SPON1: variants seen among roughly 807,000 people sequenced by gnomAD.
The protein encoded by SPON1 is spondin 1, also known as spondin-1.
A neutral mutation model predicts 111.7 loss-of-function variants in SPON1; 52 were observed. The observed-to-expected ratio is 0.47, with a 90% CI of 0.37 to 0.59. The LOEUF (loss-of-function observed/expected upper bound fraction) is 0.59. SPON1 is among the 20% of genes least tolerant of loss of function. The probability of loss-of-function intolerance (pLI) is 0.00; values close to 1 mark genes in which losing one functional copy is unlikely to be tolerated. For synonymous variants in SPON1, 410 were observed against 395.8 expected, an observed-to-expected ratio of 1.04 and a Z score of -0.43; for missense variants, 957 against 1,068.5, an observed-to-expected ratio of 0.90 and a Z score of 1.46.
chr11:14,090,840 C>T (rs1316433340), intron 5 of SPON1, among the ~76,000 whole-genome samples: 1 of 36,454 alleles, frequency 2.7e-5, no homozygotes, highest in African/African-American at 1.0e-4. Flanking sequence ...CCCCCCCCCC[C>T]CCCCGCCCAC....
intron 3 of SPON1, among the ~76,000 whole-genome samples, chr11:14,062,729 T>C (rs1475109122): frequency 2.6e-5 from 4 of 152,220 alleles, no homozygotes; most frequent in Non-Finnish European, 5.9e-5. Context: ...GTTGACTTTC[T>C]TGAAATGCAT....
chr11:14,154,816 T>C (rs782791571), intron 6 of SPON1, among the ~76,000 whole-genome samples: 1 of 152,354 alleles, frequency 6.6e-6, no homozygotes, highest in South Asian at 2.1e-4. Context: ...TCTTTGTTTA[T>C]GCAGGTTAGT....
rs181239395 is a variant in SPON1 at position 14,091,554 on chromosome 11, C to T, written c.676+11533C>T. ...CTGCTGGGGGACCCAGTACACCCTC[C>T]GCAGCCACTGGCCCGGGTGCTAAGT... On this transcript the variant is annotated intron_variant, in intron 5 of 15. Transcript: ENST00000576479. Among the ~76,000 whole-genome samples, 755 of 152,314 alleles carry T rather than the reference C, an allele frequency of 5.0e-3. 4 individuals are homozygous for T. The highest frequency in any genetic ancestry group is 0.017 in the African/African-American group (716 of 41,570).
At chr11:14,120,409 C>T (rs909844471) in intron 5 of SPON1, among the ~76,000 whole-genome samples, 42 of 151,804 alleles carry the variant, frequency 2.8e-4, no homozygotes, top group Non-Finnish European at 2.8e-4. Context: ...GTTGCTTTAG[C>T]CCTCACTGCC....
intron 5 of SPON1, among the ~76,000 whole-genome samples, chr11:14,125,223 C>T (rs1554926895): frequency 6.6e-6 from 1 of 152,216 alleles, no homozygotes. Flanking sequence ...GGTTCTAGAA[C>T]TGCATCTAGC....
At position 14,057,123 on chromosome 11, in the gene SPON1, A is replaced by T. The variant is rs575647877; in HGVS notation, c.479+15469A>T. 3.9e-5 allele frequency among the ~76,000 whole-genome samples: 6 copies of T among 152,288 alleles called. No individual in the cohort carries two copies. In the South Asian group the frequency reaches 1.2e-3, roughly 32 times the overall value. On this transcript the variant is annotated intron_variant, in intron 3 of 15. Coordinates refer to ENST00000576479, the MANE Select transcript of SPON1 (RefSeq NM_006108.4). ...TGATAAGGAACAGGAGGTTTCTATA[A>T]TCTCAAAGTACTTGCCCTTGAAATA...
chr11:14,155,455 G>A (rs1178916151), intron 6 of SPON1, among the ~76,000 whole-genome samples: 1 of 151,928 alleles, frequency 6.6e-6, no homozygotes, highest in Admixed American at 6.6e-5. Flanking sequence ...TGGAGCAGGA[G>A]GAAGGCAGGG....
chr11:14,028,462 A>T (rs1257765840), intron 2 of SPON1, among the ~76,000 whole-genome samples: 1 of 152,034 alleles, frequency 6.6e-6, no homozygotes, highest in African/African-American at 2.4e-5. Flanking sequence ...ACAGAGTGAG[A>T]CCCTGTCTCA....
chr11:14,180,936 G>A (rs1403558253), intron 6 of SPON1, among the ~76,000 whole-genome samples: 14 of 152,156 alleles, frequency 9.2e-5, no homozygotes, highest in Admixed American at 8.5e-4. Context: ...TTAGATATGA[G>A]CCTAGCTTTC....
chr11:14,191,995 G>A (rs1338316676), intron 6 of SPON1, among the ~76,000 whole-genome samples: 2 of 152,074 alleles, frequency 1.3e-5, no homozygotes, highest in Non-Finnish European at 2.9e-5. Flanking sequence ...TATCAGTTTA[G>A]TAGTAAGAAT....
intron 2 of SPON1, among the ~76,000 whole-genome samples, chr11:14,009,908 C>T (rs1175268852): frequency 1.3e-5 from 2 of 152,190 alleles, no homozygotes; most frequent in Non-Finnish European, 2.9e-5. Flanking sequence ...CCACTTAATA[C>T]TATCACATTG....
At chr11:14,049,329 T>C (rs1554918213) in intron 3 of SPON1, among the ~76,000 whole-genome samples, 1 of 152,238 alleles carries the variant, frequency 6.6e-6, no homozygotes, top group Non-Finnish European at 1.5e-5. Flanking sequence ...TGCATTACTC[T>C]TACAGAAACC....
intron 5 of SPON1, among the ~76,000 whole-genome samples, chr11:14,131,460 C>T (rs1026928512): frequency 2.0e-5 from 3 of 152,160 alleles, no homozygotes; most frequent in South Asian, 2.1e-4. Flanking sequence ...GTCCTGCGCC[C>T]GGCAAACTAT....
At chr11:14,214,459 G>A (rs1433174287) in intron 6 of SPON1, among the ~76,000 whole-genome samples, 1 of 152,216 alleles carries the variant, frequency 6.6e-6, no homozygotes, top group Non-Finnish European at 1.5e-5. Flanking sequence ...GAGTCTTCCT[G>A]TGTGTGCATC....
chr11:14,108,135 T>G (rs549192252), intron 5 of SPON1, among the ~76,000 whole-genome samples: 2 of 152,338 alleles, frequency 1.3e-5, no homozygotes, highest in African/African-American at 4.8e-5. Flanking sequence ...ACAGTCTACA[T>G]CACTGTATTG....
chr11:13,971,699 C>T (rs908490446), intron 1 of SPON1, among the ~76,000 whole-genome samples: 6 of 152,100 alleles, frequency 3.9e-5, no homozygotes, highest in Non-Finnish European at 7.4e-5. Context: ...CCTCTCCTAG[C>T]CCCAGCCCCA....
At chr11:14,208,965 T>A (rs1196260065) in intron 6 of SPON1, among the ~76,000 whole-genome samples, 1 of 152,346 alleles carries the variant, frequency 6.6e-6, no homozygotes, top group East Asian at 1.9e-4. Flanking sequence ...TGGCATTTTG[T>A]TTGCCTCATA....
chr11:14,139,236 C>T (rs969252376), intron 6 of SPON1, among the ~76,000 whole-genome samples: 1 of 152,200 alleles, frequency 6.6e-6, no homozygotes, highest in Non-Finnish European at 1.5e-5. Flanking sequence ...TGTCTCTGGA[C>T]CTTCTCTCAG....
At chr11:14,038,709 C>T (rs1848612107) in intron 2 of SPON1, among the ~76,000 whole-genome samples, 1 of 152,290 alleles carries the variant, frequency 6.6e-6, no homozygotes, top group African/African-American at 2.4e-5. Flanking sequence ...ACATCAAATC[C>T]TGTGGAGGAT....
Sources: allele counts gnomAD v4.1 joint callset (sites outside exome capture counted in the v4.1 genomes callset), GRCh38; gene constraint gnomAD v4.1.1; transcripts MANE v1.5; gene names NCBI Gene and HGNC (gene_info 2026-07-23, HGNC 2026-07-21).